Variants in MAPK8 observed in about 807,000 individuals in gnomAD.
MAPK8 encodes the protein mitogen-activated protein kinase 8.
A neutral mutation model predicts 52.9 loss-of-function variants in MAPK8; 13 were observed. The observed-to-expected ratio is 0.25, with a 90% CI of 0.16 to 0.39. The LOEUF is 0.39. Ranked by LOEUF, MAPK8 falls within the 10% of genes least tolerant of loss-of-function variation. MAPK8 has a pLI of 1.00. For synonymous variants in MAPK8, 191 were observed against 169.8 expected, an observed-to-expected ratio of 1.12 and a Z score of -0.97; for missense variants, 300 against 519.2, an observed-to-expected ratio of 0.58 and a Z score of 4.10.
At chr10:48,350,307 C>T (rs757132013) in intron 1 of MAPK8, among the ~76,000 whole-genome samples, 1 of 152,092 alleles carries the variant, frequency 6.6e-6, no homozygotes, top group African/African-American at 2.4e-5. Flanking sequence ...CTGGCAGAGA[C>T]ACAACAAAAA....
At chr10:48,329,535 C>A (rs1843901897) in intron 1 of MAPK8, among the ~76,000 whole-genome samples, 1 of 151,102 alleles carries the variant, frequency 6.6e-6, no homozygotes, top group Non-Finnish European at 1.5e-5. Context: ...AAATTAAATT[C>A]ATTTAGAGTA....
chr10:48,348,799 A>G (rs1471452446), intron 1 of MAPK8, among the ~76,000 whole-genome samples: 2 of 152,100 alleles, frequency 1.3e-5, no homozygotes, highest in African/African-American at 4.8e-5. Context: ...GCTTTGTAGT[A>G]TAGTTTGAAG....
rs2044756010 is a variant in MAPK8 at position 48,435,187 on chromosome 10, A to G, written c.*158A>G. On this transcript the variant is annotated 3_prime_UTR_variant, in exon 12 of 12. Transcript: ENST00000374189. ...AGTTTATTTTTTTTAATTTCAAGTG[A>G]TGTAATTTAAAACCTAAGTTGTGTT... 3.7e-6 allele frequency: 2 copies of G among 547,200 alleles called. No individual in the cohort carries two copies. Among genetic ancestry groups the G allele is most frequent in the South Asian group, 7.3e-5 (2 of 27,368 alleles). 33.9% of individuals were successfully genotyped at this position (547,200 alleles called of 1,614,324 possible). A position where few individuals can be genotyped will look rare whatever the true frequency, so the allele number is the denominator to read the frequency against.
chr10:48,401,093 A>G (rs2042136543), intron 1 of MAPK8, among the ~76,000 whole-genome samples: 1 of 152,212 alleles, frequency 6.6e-6, no homozygotes, highest in South Asian at 2.1e-4. Flanking sequence ...CAGTGAAGGC[A>G]CTGTGGTACC....
intron 1 of MAPK8, among the ~76,000 whole-genome samples, chr10:48,366,139 A>G (rs890654474): frequency 1.3e-5 from 2 of 152,042 alleles, no homozygotes; most frequent in African/African-American, 2.4e-5. Context: ...TTAACCTGCT[A>G]TAACTTTTTG....
intron 1 of MAPK8, among the ~76,000 whole-genome samples, chr10:48,364,740 TG>T (rs1173838834): frequency 2.6e-5 from 4 of 152,184 alleles, no homozygotes; most frequent in Non-Finnish European, 5.9e-5. Flanking sequence ...TTTTCTGAAA[TG>T]GCAGAAACAT....
intron 1 of MAPK8, among the ~76,000 whole-genome samples, chr10:48,395,502 CATA>C (rs1372755075): frequency 6.6e-6 from 1 of 152,000 alleles, no homozygotes; most frequent in Non-Finnish European, 1.5e-5. Context: ...ATTTCTTAGA[CATA>C]CAGAACCAAA....
intron 1 of MAPK8, among the ~76,000 whole-genome samples, chr10:48,378,886 G>A (rs61838674): frequency 0.11 from 16,061 of 152,068 alleles, 1,143 homozygotes; most frequent in Admixed American, 0.25. Flanking sequence ...CACCTCAGCC[G>A]TGAGTAGCTG....
chr10:48,402,129 A>C (rs747352707), intron 2 of MAPK8, among the ~76,000 whole-genome samples: 14 of 152,166 alleles, frequency 9.2e-5, no homozygotes, highest in Admixed American at 3.9e-4. Flanking sequence ...TAGATTCTCG[A>C]GCATTTTAGA....
intron 11 of MAPK8, among the ~76,000 whole-genome samples, chr10:48,433,474 C>G (rs1259890001): frequency 6.6e-6 from 1 of 152,134 alleles, no homozygotes; most frequent in Non-Finnish European, 1.5e-5. Flanking sequence ...ATAGAATATA[C>G]TATCTGAATT....
chr10:48,399,036 C>T (rs574381621), intron 1 of MAPK8, among the ~76,000 whole-genome samples: 133 of 152,286 alleles, frequency 8.7e-4, no homozygotes, highest in African/African-American at 3.0e-3. Flanking sequence ...AGAAAGCTCT[C>T]TCCTCTCCCT....
chr10:48,358,933 G>A (rs76483975), intron 1 of MAPK8, among the ~76,000 whole-genome samples: 16,057 of 152,032 alleles, frequency 0.11, 1,137 homozygotes, highest in Admixed American at 0.25. Flanking sequence ...GGTTTACTTC[G>A]GGACTTTCTG....
chr10:48,356,123 A>T (rs368142892), intron 1 of MAPK8, among the ~76,000 whole-genome samples: 4 of 152,260 alleles, frequency 2.6e-5, no homozygotes, highest in Admixed American at 1.3e-4. Context: ...ATCAAAAAGC[A>T]TAAGAGTAAT....
chr10:48,407,772 C>T (rs1300044445), intron 3 of MAPK8, among the ~76,000 whole-genome samples: 1 of 152,102 alleles, frequency 6.6e-6, no homozygotes, highest in Non-Finnish European at 1.5e-5. Context: ...GCTGTCATTC[C>T]CCTACCTCCC....
chr10:48,426,069 A>G lies in MAPK8; in HGVS notation c.870A>G (p.Lys290=). Residue 290 remains lysine (K), a splice_region_variant and synonymous_variant, in exon 8 of 12, where the codon AAA becomes AAG. Transcript: ENST00000374189. ...FPADSEHNKL[K]ASQARDLLSK... ...CTGACTCAGAACACAACAAACTTAA[A>G]GGTACTTTTTACAAATATGTACATT... 1 of 1,606,744 alleles carries G rather than the reference A, an allele frequency of 6.2e-7. No individual in the cohort carries two copies.
At chr10:48,341,258 A>G (rs746082215) in intron 1 of MAPK8, among the ~76,000 whole-genome samples, 2 of 152,262 alleles carry the variant, frequency 1.3e-5, no homozygotes, top group Non-Finnish European at 2.9e-5. Flanking sequence ...GGGTTAAACC[A>G]TATTAACAGC....
At chr10:48,362,257 A>G (rs761880829) in intron 1 of MAPK8, among the ~76,000 whole-genome samples, 6 of 152,010 alleles carry the variant, frequency 3.9e-5, no homozygotes, top group Admixed American at 2.0e-4. Context: ...TCCTTACACA[A>G]TGAGTCTTAG....
intron 1 of MAPK8, among the ~76,000 whole-genome samples, chr10:48,368,427 C>T (rs1199111997): frequency 1.3e-5 from 2 of 152,150 alleles, no homozygotes; most frequent in African/African-American, 2.4e-5. Flanking sequence ...GTCCTCTCCC[C>T]GCATGTTGGC....
At chr10:48,322,179 A>G (rs1843060799) in intron 1 of MAPK8, among the ~76,000 whole-genome samples, 1 of 152,200 alleles carries the variant, frequency 6.6e-6, no homozygotes, top group South Asian at 2.1e-4. Context: ...TGTGGACTGA[A>G]GGGCAGTAAG....
Sources: allele counts gnomAD v4.1 joint callset (sites outside exome capture counted in the v4.1 genomes callset), GRCh38; gene constraint gnomAD v4.1.1; transcripts MANE v1.5; gene names NCBI Gene and HGNC (gene_info 2026-07-23, HGNC 2026-07-21).